SHLD1: variants seen among roughly 807,000 people sequenced by gnomAD.
SHLD1 encodes the protein RINN1-REV7-interacting novel NHEJ regulator 3.
Under a neutral mutation model 5.5 loss-of-function variants are expected in SHLD1, and 3 were observed. The ratio of observed to expected loss-of-function variants is 0.54; its 90% CI spans 0.25 to 1.40. SHLD1 has a LOEUF of 1.40. Ranked by LOEUF, SHLD1 falls within the 40% of genes most tolerant of loss-of-function variation. SHLD1 has a pLI of 0.15. For synonymous variants in SHLD1, 92 were observed against 94.3 expected (o/e 0.98, Z 0.14); for missense variants, 210 against 244.4 (o/e 0.86, Z 0.94).
rs112090743 is a variant in SHLD1, at chr20:5,815,738, A to G, written c.178+42695A>G. Among the ~76,000 whole-genome samples the G allele has an allele frequency of 6.9e-3, 1,049 of 152,294 alleles. 9 individuals carry two copies. The highest frequency in any genetic ancestry group is 0.024 in the African/African-American group (1,016 of 41,564). ...GTATTATCCCACTTTATTGGATCCT[A>G]TAGCCTCTTGTCTTAGGAATTCCCA... is the stretch of plus-strand genomic sequence containing the variant. On this transcript the variant is annotated intron_variant, in intron 2 of 2. Transcript: ENST00000303142.
chr20:5,756,702 TTTTTTTG>T, intron 1 of SHLD1: 1 of 167,370 alleles, frequency 6.0e-6, no homozygotes, highest in Non-Finnish European at 1.3e-5. Context: ...TTTTTTTTTT[TTTTTTTG>T]AGATGGAGTC....
intron 1 of SHLD1, chr20:5,765,195 C>G (rs772086037): frequency 6.6e-6 from 1 of 151,876 alleles, no homozygotes; most frequent in South Asian, 2.1e-4. Context: ...GTGTGAGCCA[C>G]TGTGCGCAGA....
chr20:5,792,836 G>A (rs1397263165), intron 2 of SHLD1, among the ~76,000 whole-genome samples: 1 of 151,774 alleles, frequency 6.6e-6, no homozygotes, highest in African/African-American at 2.4e-5. Context: ...AATATGCCTG[G>A]CTGATTTTTT....
intron 2 of SHLD1, among the ~76,000 whole-genome samples, chr20:5,777,049 C>A (rs1985463686): frequency 6.6e-6 from 1 of 151,578 alleles, no homozygotes. Context: ...AGTGCAGTGG[C>A]ACAATCTCGG....
At chr20:5,789,179 T>C (rs1386781403) in intron 2 of SHLD1, among the ~76,000 whole-genome samples, 1 of 146,086 alleles carries the variant, frequency 6.8e-6, no homozygotes, top group Non-Finnish European at 1.5e-5. Flanking sequence ...GTCTGATTTT[T>C]CTTTATACGT....
intron 2 of SHLD1, among the ~76,000 whole-genome samples, chr20:5,815,369 G>GTAATGTGAC (rs1286888513): frequency 6.6e-6 from 1 of 152,174 alleles, no homozygotes; most frequent in East Asian, 1.9e-4. Context: ...TTCTCAAAAT[G>GTAATGTGAC]TAATGTGACT....
chr20:5,845,421 G>A (rs1181885450), intron 2 of SHLD1, among the ~76,000 whole-genome samples: 1 of 152,148 alleles, frequency 6.6e-6, no homozygotes, highest in Non-Finnish European at 1.5e-5. Context: ...CAAACTCAAG[G>A]CTTCTTCCCA....
intron 2 of SHLD1, among the ~76,000 whole-genome samples, chr20:5,852,677 T>C (rs1489842058): frequency 6.6e-6 from 1 of 152,224 alleles, no homozygotes; most frequent in African/African-American, 2.4e-5. Flanking sequence ...CTCTAACTCC[T>C]GACCTCAAGT....
intron 2 of SHLD1, among the ~76,000 whole-genome samples, chr20:5,795,798 G>A (rs1365389044): frequency 2.6e-5 from 4 of 151,444 alleles, no homozygotes; most frequent in Admixed American, 6.6e-5. Context: ...TGGCTAACAC[G>A]GTGAAACCCC....
intron 2 of SHLD1, among the ~76,000 whole-genome samples, chr20:5,803,352 A>G (rs1174645680): frequency 1.3e-5 from 2 of 152,014 alleles, no homozygotes; most frequent in African/African-American, 4.8e-5. Flanking sequence ...ATTCTTTTGT[A>G]GAGACAAGGT....
chr20:5,845,203 T>C (rs2087918568), intron 2 of SHLD1, among the ~76,000 whole-genome samples: 1 of 152,236 alleles, frequency 6.6e-6, no homozygotes, highest in African/African-American at 2.4e-5. Context: ...ACTATTCTTG[T>C]TACTAAGGTA....
At chr20:5,835,257 G>A (rs1194903894) in intron 2 of SHLD1, among the ~76,000 whole-genome samples, 1 of 152,160 alleles carries the variant, frequency 6.6e-6, no homozygotes, top group Admixed American at 6.5e-5. Context: ...CGCTAGTTGT[G>A]TTGATGGTGA....
chr20:5,751,495 C>T (rs1210173869), intron 1 of SHLD1, among the ~76,000 whole-genome samples: 1 of 151,994 alleles, frequency 6.6e-6, no homozygotes, highest in East Asian at 1.9e-4. Flanking sequence ...TTAGTAGAGA[C>T]GAGGTTTCAC....
chr20:5,826,821 A>G (rs2087670923), intron 2 of SHLD1, among the ~76,000 whole-genome samples: 1 of 152,166 alleles, frequency 6.6e-6, no homozygotes, highest in Non-Finnish European at 1.5e-5. Flanking sequence ...AATTCTGTGA[A>G]AGCCTGGGGA....
In SHLD1 at chr20:5,812,110, G is replaced by A. The variant is rs542600159; in HGVS notation, c.178+39067G>A. On this transcript the variant is annotated intron_variant, in intron 2 of 2. Coordinates refer to ENST00000303142, the MANE Select transcript of SHLD1 (RefSeq NM_152504.4). ...TTTTTCTTTTTTTTTTTGAGGACCC[G>A]ACCTTTTATTTTGCCAAGCAAAAAT... 7.9e-5 allele frequency among the ~76,000 whole-genome samples: 10 copies of A among 127,090 alleles called. No individual in the cohort carries two copies. The East Asian group carries it at 8.7e-4, about 11-fold the overall frequency. 83.4% of individuals were successfully genotyped at this position (127,090 alleles called of 152,430 possible).
chr20:5,778,282 AGT>A (rs200911668), intron 2 of SHLD1, among the ~76,000 whole-genome samples: 2,717 of 123,618 alleles, frequency 0.022, 89 homozygotes, highest in African/African-American at 0.084. Flanking sequence ...ATGCCTGGCT[AGT>A]TTTTTTTTTT....
At chr20:5,776,029 G>A (rs1985413180) in intron 2 of SHLD1, among the ~76,000 whole-genome samples, 1 of 146,890 alleles carries the variant, frequency 6.8e-6, no homozygotes, top group South Asian at 2.2e-4. Context: ...CCAGGTTCAA[G>A]CAATTCTCCT....
chr20:5,753,270 A>G (rs1345112160), intron 1 of SHLD1, among the ~76,000 whole-genome samples: 1 of 152,180 alleles, frequency 6.6e-6, no homozygotes, highest in Non-Finnish European at 1.5e-5. Flanking sequence ...TGCATGGCCT[A>G]GGTCTTGTTT....
intron 2 of SHLD1, among the ~76,000 whole-genome samples, chr20:5,839,463 G>C (rs934353791): frequency 2.0e-5 from 3 of 147,722 alleles, no homozygotes; most frequent in African/African-American, 7.5e-5. Flanking sequence ...TGAAGAGATG[G>C]ATGAATGGAT....
Sources: allele counts gnomAD v4.1 joint callset (sites outside exome capture counted in the v4.1 genomes callset), GRCh38; gene constraint gnomAD v4.1.1; transcripts MANE v1.5; gene names NCBI Gene and HGNC (gene_info 2026-07-23, HGNC 2026-07-21).